MARCHF6: variants seen among roughly 807,000 people sequenced by gnomAD.
The protein encoded by MARCHF6 is membrane associated ring-CH-type finger 6.
Under a neutral mutation model 133.7 loss-of-function variants are expected in MARCHF6, and 31 were observed. The ratio of observed to expected loss-of-function variants is 0.23; its 90% CI spans 0.17 to 0.31. MARCHF6 has a LOEUF of 0.31. MARCHF6 is among the 10% of genes least tolerant of loss of function. The probability of loss-of-function intolerance (pLI) is 1.00; values close to 1 mark genes in which losing one functional copy is unlikely to be tolerated. For synonymous variants in MARCHF6, 395 were observed against 402.5 expected (o/e 0.98, Z 0.22); for missense variants, 723 against 1,121.6 (o/e 0.64, Z 5.08).
rs1267219074 is a variant in MARCHF6, at chr5:10,435,457, G to A, written c.*1773G>A. The A allele has an allele frequency of 6.7e-6, 1 of 150,086 alleles. No individual in the cohort carries two copies. Among genetic ancestry groups the A allele is most frequent in the East Asian group, 2.0e-4 (1 of 5,126 alleles). 9.3% of individuals were successfully genotyped at this position (150,086 alleles called of 1,614,324 possible). On this transcript the variant is annotated 3_prime_UTR_variant, in exon 26 of 26. Coordinates refer to ENST00000274140, the MANE Select transcript of MARCHF6 (RefSeq NM_005885.4). ...TTATACTCTTTGGCACTTTAGAGCA[G>A]CCTTTTCTCTCATTTGAAATAAGGT...
chr5:10,391,500 A>G, intron 6 of MARCHF6, 42 bp from the exon 7 acceptor site: 2 of 1,190,914 alleles, frequency 1.7e-6, no homozygotes, highest in Admixed American at 1.8e-5. Flanking sequence ...AGAGCAAAAC[A>G]GACAAGTGGA....
At chr5:10,429,472 C>G (rs1020611319) in intron 24 of MARCHF6, among the ~76,000 whole-genome samples, 1 of 150,980 alleles carries the variant, frequency 6.6e-6, no homozygotes, top group Non-Finnish European at 1.5e-5. Context: ...GATCTCGGCT[C>G]CCTGCAACCT....
At chr5:10,417,528 TTGCA>T in intron 22 of MARCHF6, 124 bp downstream of exon 22, 1 of 1,283,616 alleles carries the variant, frequency 7.8e-7, no homozygotes, top group Non-Finnish European at 1.1e-6. Flanking sequence ...GGAGGACTGC[TTGCA>T]CCCAGGAGTT....
intron 24 of MARCHF6, among the ~76,000 whole-genome samples, chr5:10,426,909 G>C (rs1740116009): frequency 6.6e-6 from 1 of 152,210 alleles, no homozygotes. Context: ...CCAAAGAGGA[G>C]ATGCTAATGG....
chr5:10,366,009 T>G (rs1296502393), intron 1 of MARCHF6, among the ~76,000 whole-genome samples: 1 of 152,136 alleles, frequency 6.6e-6, no homozygotes, highest in East Asian at 1.9e-4. Flanking sequence ...TTCGGTTCAC[T>G]GCAACCTCCG....
chr5:10,406,368 T>G (rs1414318619), intron 16 of MARCHF6, among the ~76,000 whole-genome samples: 1 of 152,028 alleles, frequency 6.6e-6, no homozygotes, highest in African/African-American at 2.4e-5. Flanking sequence ...GAAGAAGAAA[T>G]TACATAGTTA....
At chr5:10,370,086 ACT>A (rs1262459477) in intron 1 of MARCHF6, among the ~76,000 whole-genome samples, 1 of 124,866 alleles carries the variant, frequency 8.0e-6, no homozygotes, top group Non-Finnish European at 1.7e-5. Context: ...GGAGTATCTT[ACT>A]GTGATTTTTT....
In MARCHF6 at chr5:10,434,752, T is replaced by A. The variant is rs1281927589; in HGVS notation, c.*1068T>A. ...CGTTGGCTGAGGACTAGGTGTGCAT[T>A]TCTCCTAGCTTTTCATCAGGAAATC... On this transcript the variant is annotated 3_prime_UTR_variant, in exon 26 of 26. Transcript: ENST00000274140. 6.6e-6 allele frequency: 1 copy of A among 152,628 alleles called. No individual in the cohort carries two copies. Among genetic ancestry groups the A allele is most frequent in the African/African-American group, 2.4e-5 (1 of 41,436 alleles). 9.5% of individuals were successfully genotyped at this position (152,628 alleles called of 1,614,324 possible).
intron 4 of MARCHF6, among the ~76,000 whole-genome samples, chr5:10,383,765 G>A (rs1404627360): frequency 6.6e-6 from 1 of 152,194 alleles, no homozygotes; most frequent in Non-Finnish European, 1.5e-5. Context: ...ATATAGCTAA[G>A]TCTCAATTGT....
rs758149521 is a variant in MARCHF6, at chr5:10,368,411, T to C, written c.20-9387T>C. 3.7e-4 allele frequency among the ~76,000 whole-genome samples: 56 copies of C among 152,176 alleles called. 1 individual carries two copies. The highest frequency in any genetic ancestry group is 3.4e-3 in the Middle Eastern group (1 of 292). ...AGTTTGGGAGGCCAACACCAGAGGA[T>C]TGCTTGAGCCCAGGAGTTTGAGACC... On this transcript the variant is annotated intron_variant, in intron 1 of 25. Coordinates refer to ENST00000274140, the MANE Select transcript of MARCHF6 (RefSeq NM_005885.4).
At chr5:10,376,587 G>A (rs984748490) in intron 1 of MARCHF6, among the ~76,000 whole-genome samples, 5 of 152,050 alleles carry the variant, frequency 3.3e-5, no homozygotes, top group Admixed American at 6.6e-5. Context: ...GTGAGCATTC[G>A]GCATCTCCCA....
Position 10,391,493 on chromosome 5 carries a change from G to A in MARCHF6, c.577-49G>A, listed in dbSNP as rs372647312. The stretch of plus-strand genomic sequence containing the variant: ...AGGAATAATGTGATTTGGAAACAGA[G>A]CAAAACAGACAAGTGGATCTAAATT... On this transcript the variant is annotated intron_variant, in intron 6 of 25. Coordinates refer to ENST00000274140, the MANE Select transcript of MARCHF6 (RefSeq NM_005885.4). 12 of 639,124 alleles carry A rather than the reference G, an allele frequency of 1.9e-5. No individual in the cohort carries two copies. In the African/African-American group the frequency reaches 2.5e-4, roughly 13 times the overall value. 39.6% of individuals were successfully genotyped at this position (639,124 alleles called of 1,614,324 possible). A position where few individuals can be genotyped will look rare whatever the true frequency, so the allele number is the denominator to read the frequency against.
chr5:10,402,590 C>T lies in MARCHF6; in HGVS notation c.1180C>T (p.Leu394=). Residue 394 remains leucine, a synonymous_variant, in exon 14 of 26, where the codon CTG becomes TTG. Coordinates refer to ENST00000274140, the MANE Select transcript of MARCHF6 (RefSeq NM_005885.4). The part of the protein sequence containing the change: ...GVFPLICGWW[L]DICSLEMFDA... The stretch of plus-strand genomic sequence containing the variant: ...ATTCCCTCTCATTTGTGGTTGGTGG[C>T]TGGATATCTGTTCCTTGGTAAGTTG... 6.2e-7 allele frequency: 1 copy of T among 1,613,330 alleles called. No homozygotes were observed. Among genetic ancestry groups the T allele is most frequent in the Non-Finnish European group, 8.5e-7 (1 of 1,179,448 alleles).
chr5:10,428,783 T>TAGTA (rs1284617787), intron 24 of MARCHF6, among the ~76,000 whole-genome samples: 1 of 152,216 alleles, frequency 6.6e-6, no homozygotes, highest in African/African-American at 2.4e-5. Flanking sequence ...TGCCCATTAA[T>TAGTA]AGTATATAGA....
intron 1 of MARCHF6, among the ~76,000 whole-genome samples, chr5:10,360,655 T>C (rs1348462825): frequency 6.6e-6 from 1 of 152,190 alleles, no homozygotes; most frequent in Non-Finnish European, 1.5e-5. Flanking sequence ...AAGTTTTTGT[T>C]TGTCTTAAAT....
chr5:10,376,960 C>T (rs1031128468), intron 1 of MARCHF6, among the ~76,000 whole-genome samples: 1 of 152,170 alleles, frequency 6.6e-6, no homozygotes, highest in Non-Finnish European at 1.5e-5. Flanking sequence ...GCTCTTGGCC[C>T]TGACAGATAG....
intron 1 of MARCHF6, among the ~76,000 whole-genome samples, chr5:10,365,588 GGC>G (rs1338424956): frequency 6.6e-5 from 10 of 152,020 alleles, no homozygotes; most frequent in African/African-American, 2.4e-4. Flanking sequence ...CACTGCACCT[GGC>G]CGAGAATTGG....
intron 25 of MARCHF6, among the ~76,000 whole-genome samples, chr5:10,430,526 G>A (rs180842917): frequency 2.0e-5 from 3 of 152,084 alleles, no homozygotes; most frequent in Admixed American, 6.5e-5. Context: ...GGATTGTGTC[G>A]ATCTCCTAAC....
Position 10,434,701 on chromosome 5 carries a change from A to G in MARCHF6, c.*1017A>G, listed in dbSNP as rs988613657. 1.3e-5 allele frequency: 2 copies of G among 152,568 alleles called. No homozygotes were observed. The highest frequency in any genetic ancestry group is 2.4e-5 in the African/African-American group (1 of 41,420). The allele number at this position is 152,568 out of a possible 1,614,324, so 9.5% of individuals were successfully genotyped here. Reference sequence around the variant, plus strand: ...ACAGCATTAGAGAAGACTGGTTAGAACATCTGGTCTCGCTGGTTAGTGCCT... The same window carrying G: ...ACAGCATTAGAGAAGACTGGTTAGAGCATCTGGTCTCGCTGGTTAGTGCCT... On this transcript the variant is annotated 3_prime_UTR_variant, in exon 26 of 26. Transcript: ENST00000274140.
Sources: allele counts gnomAD v4.1 joint callset (sites outside exome capture counted in the v4.1 genomes callset), GRCh38; gene constraint gnomAD v4.1.1; transcripts MANE v1.5; gene names NCBI Gene and HGNC (gene_info 2026-07-23, HGNC 2026-07-21).